Variants in PARN observed in about 807,000 individuals in gnomAD.
The protein encoded by PARN is poly(A)-specific ribonuclease PARN.
In PARN, 71 loss-of-function variants were observed where a neutral mutation model predicts 102.8. The observed-to-expected ratio is 0.69, with a 90% confidence interval of 0.57 to 0.84. The LOEUF is 0.84. PARN is among the 40% of genes least tolerant of loss of function. The probability of loss-of-function intolerance (pLI) is 0.00; values close to 1 mark genes in which losing one functional copy is unlikely to be tolerated. For synonymous variants in PARN, 261 were observed against 252.9 expected, an observed-to-expected ratio of 1.03 and a Z score of -0.30; for missense variants, 782 against 760.9, an observed-to-expected ratio of 1.03 and a Z score of -0.33.
intron 21 of PARN, among the ~76,000 whole-genome samples, chr16:14,525,980 G>A (rs1320620089): frequency 4.0e-5 from 6 of 151,660 alleles, no homozygotes; most frequent in East Asian, 1.9e-4. Flanking sequence ...CACCAGGCCC[G>A]GCTAATTTTT....
chr16:14,441,113 T>G (rs1363818307), intron 23 of PARN, among the ~76,000 whole-genome samples: 2 of 152,142 alleles, frequency 1.3e-5, no homozygotes, highest in Non-Finnish European at 2.9e-5. Flanking sequence ...TTAAGATTAT[T>G]TGGCCAAGAG....
chr16:14,505,896 ATGCTGC>A (rs1298730744), intron 21 of PARN, among the ~76,000 whole-genome samples: 1 of 152,222 alleles, frequency 6.6e-6, no homozygotes, highest in African/African-American at 2.4e-5. Context: ...ATGGACATTA[ATGCTGC>A]TGGATGAAAG....
At chr16:14,576,449 A>G (rs1346037427) in intron 18 of PARN, among the ~76,000 whole-genome samples, 6 of 152,232 alleles carry the variant, frequency 3.9e-5, no homozygotes, top group Non-Finnish European at 8.8e-5. Context: ...CCTTCATAAA[A>G]GGGTCAAGGT....
At chr16:14,486,162 C>T (rs1247628570) in intron 21 of PARN, among the ~76,000 whole-genome samples, 1 of 152,068 alleles carries the variant, frequency 6.6e-6, no homozygotes, top group Non-Finnish European at 1.5e-5. Flanking sequence ...CGAGACCAGC[C>T]TGGACAATGG....
chr16:14,570,671 A>G (rs1968748714), intron 18 of PARN, among the ~76,000 whole-genome samples: 1 of 150,506 alleles, frequency 6.6e-6, no homozygotes, highest in Non-Finnish European at 1.5e-5. Flanking sequence ...AAGAGAAAAG[A>G]AAAAGAAAAA....
intron 18 of PARN, among the ~76,000 whole-genome samples, chr16:14,578,264 G>C (rs1415721814): frequency 6.9e-6 from 1 of 144,038 alleles, no homozygotes; most frequent in Non-Finnish European, 1.5e-5. Context: ...AGGAGGTGGA[G>C]GTTGCAGTGA....
intron 21 of PARN, among the ~76,000 whole-genome samples, chr16:14,528,982 T>C (rs934240106): frequency 6.6e-6 from 1 of 152,104 alleles, no homozygotes; most frequent in African/African-American, 2.4e-5. Flanking sequence ...TTACAGAAAC[T>C]TCTCTCATCT....
intron 12 of PARN, among the ~76,000 whole-genome samples, chr16:14,596,919 T>C (rs1032991694): frequency 6.6e-6 from 1 of 151,964 alleles, no homozygotes; most frequent in Non-Finnish European, 1.5e-5. Flanking sequence ...CCCAAGTAGC[T>C]GGGATTACAG....
At chr16:14,579,584 A>C (rs1969378509) in intron 18 of PARN, among the ~76,000 whole-genome samples, 1 of 152,154 alleles carries the variant, frequency 6.6e-6, no homozygotes, top group South Asian at 2.1e-4. Context: ...AAATAATAAT[A>C]ATAATACAAA....
At chr16:14,451,447 A>C (rs1190226124) in intron 22 of PARN, among the ~76,000 whole-genome samples, 2 of 152,188 alleles carry the variant, frequency 1.3e-5, no homozygotes. Flanking sequence ...AATATAATTC[A>C]GCAATTAAAA....
chr16:14,468,597 C>T (rs991744950), intron 22 of PARN, among the ~76,000 whole-genome samples: 2 of 152,180 alleles, frequency 1.3e-5, no homozygotes, highest in African/African-American at 4.8e-5. Context: ...GCCACATGGG[C>T]ATTAGCTAAT....
chr16:14,501,809 A>C (rs535398389), intron 21 of PARN: 1 of 152,258 alleles, frequency 6.6e-6, no homozygotes, highest in South Asian at 2.1e-4. Context: ...CAGCTACCTG[A>C]ATGTATCCTG....
At chr16:14,604,067 A>C in intron 11 of PARN, 79 bp downstream of exon 11, 1 of 866,252 alleles carries the variant, frequency 1.2e-6, no homozygotes, top group South Asian at 1.5e-5. Flanking sequence ...AATCCAACAT[A>C]TGATCTGAAA....
chr16:14,598,399 T>C (rs1375955823), intron 12 of PARN, among the ~76,000 whole-genome samples: 2 of 152,004 alleles, frequency 1.3e-5, no homozygotes, highest in Non-Finnish European at 2.9e-5. Flanking sequence ...CAAACAAATG[T>C]CCAATCTTGG....
intron 12 of PARN, among the ~76,000 whole-genome samples, chr16:14,599,327 G>A (rs778576888): frequency 4.3e-4 from 65 of 152,134 alleles, no homozygotes; most frequent in Non-Finnish European, 8.2e-4. Context: ...ACAGACATGA[G>A]CCACTATGCC....
At chr16:14,581,974 C>T (rs1969558949) in intron 17 of PARN, among the ~76,000 whole-genome samples, 2 of 152,226 alleles carry the variant, frequency 1.3e-5, no homozygotes, top group African/African-American at 2.4e-5. Context: ...AGGCAGCCAT[C>T]TGCAAACCAG....
In PARN at chr16:14,627,371, T is replaced by C. The variant is rs747178337; in HGVS notation, c.178-35A>G. On this transcript the variant is annotated intron_variant, in intron 3 of 23. Transcript: ENST00000437198. ...GGAAATAAAACATCTGTCACAAAAG[T>C]GCTGCATATTCCATGTGAGCATAGC... is the stretch of plus-strand genomic sequence containing the variant. 7.5e-6 allele frequency: 11 copies of C among 1,461,418 alleles called. No homozygotes were observed. In the East Asian group the frequency reaches 2.6e-4, roughly 35 times the overall value. 90.5% of individuals were successfully genotyped at this position (1,461,418 alleles called of 1,614,324 possible).
intron 23 of PARN, among the ~76,000 whole-genome samples, chr16:14,444,103 C>G (rs1025215897): frequency 6.6e-6 from 1 of 152,168 alleles, no homozygotes; most frequent in African/African-American, 2.4e-5. Context: ...TTGGCTGATT[C>G]CACAGGTTCT....
chr16:14,585,980 CTTTT>C (rs772896503), intron 14 of PARN, among the ~76,000 whole-genome samples: 1 of 127,234 alleles, frequency 7.9e-6, no homozygotes, highest in Non-Finnish European at 1.7e-5. Context: ...CACAATGACT[CTTTT>C]TTTTTTTTTT....
Sources: allele counts gnomAD v4.1 joint callset (sites outside exome capture counted in the v4.1 genomes callset), GRCh38; gene constraint gnomAD v4.1.1; transcripts MANE v1.5; gene names NCBI Gene and HGNC (gene_info 2026-07-23, HGNC 2026-07-21).